The following LGALS2 variants were observed in gnomAD, a reference collection of about 807,000 sequenced individuals.
LGALS2 encodes the protein galectin-2.
A neutral mutation model predicts 10.1 loss-of-function variants in LGALS2; 7 were observed. That is an observed-to-expected ratio of 0.70 (90% CI 0.40 to 1.31). The LOEUF (loss-of-function observed/expected upper bound fraction) is 1.31, where lower values mean the gene tolerates loss of function less well. LGALS2 is among the 50% of genes most tolerant of loss of function. The pLI is 0.01. For missense variants in LGALS2, 167 were observed against 163.6 expected (o/e 1.02, Z -0.11); for synonymous variants, 86 against 64.2 (o/e 1.34, Z -1.63).
At chr22:37,578,396 C>T (rs1409892360) in intron 1 of LGALS2, among the ~76,000 whole-genome samples, 2 of 152,166 alleles carry the variant, frequency 1.3e-5, no homozygotes, top group African/African-American at 4.8e-5. Context: ...TGATCCTCAG[C>T]CTCCCAAGGC....
At chr22:37,577,803 A>C (rs1601462464) in intron 1 of LGALS2, among the ~76,000 whole-genome samples, 1 of 152,328 alleles carries the variant, frequency 6.6e-6, no homozygotes. Flanking sequence ...AAATATAGAC[A>C]CAGAGACGGA....
At position 37,580,070 on chromosome 22, in the gene LGALS2, A is replaced by G. The variant is rs1229391374; in HGVS notation, c.-165T>C. 1.8e-6 allele frequency: 1 copy of G among 563,488 alleles called. No individual in the cohort carries two copies. Among genetic ancestry groups the G allele is most frequent in the Admixed American group, 2.9e-5 (1 of 34,446 alleles). The allele number at this position is 563,488 out of a possible 1,614,324, so 34.9% of individuals were successfully genotyped here. A position where few individuals can be genotyped will look rare whatever the true frequency, so the allele number is the denominator to read the frequency against. On this transcript the variant is annotated 5_prime_UTR_variant, in exon 1 of 4. Transcript: ENST00000215886. ...TTGTGTCTCCCCGCCTGCATCTCCC[A>G]GTACCCAGCACAAACAGGCAGAAGA...
chr22:37,576,994 G>GT (rs986094645), intron 1 of LGALS2, among the ~76,000 whole-genome samples: 11 of 151,856 alleles, frequency 7.2e-5, no homozygotes, highest in Admixed American at 5.9e-4. Flanking sequence ...TAGAGCTGGG[G>GT]GGGTGGGGAG....
chr22:37,570,440 C>T, intron 3 of LGALS2, 28 bp from the exon 4 acceptor site: 2 of 1,608,886 alleles, frequency 1.2e-6, no homozygotes, highest in Non-Finnish European at 1.7e-6. Context: ...GTCAAGGAGG[C>T]AGGAGGCCCT....
rs1283494175 is a variant in LGALS2, at chr22:37,572,768, A to AT, written c.7-838_7-837insA. On this transcript the variant is annotated intron_variant, in intron 1 of 3. Transcript: ENST00000215886. Reference sequence around the variant, plus strand: ...GGCGACAGAGCGAAACTCCATCTCAAAAATAATAATAATAATAATAATAAT... The same window carrying AT: ...GGCGACAGAGCGAAACTCCATCTCAATAAATAATAATAATAATAATAATAAT... Among the ~76,000 whole-genome samples, 10 of 65,944 alleles carry AT rather than the reference A, an allele frequency of 1.5e-4. No individual in the cohort carries two copies. In the East Asian group the frequency reaches 3.0e-3, roughly 20 times the overall value. The allele number at this position is 65,944 out of a possible 152,430, so 43.3% of individuals were successfully genotyped here.
chr22:37,577,088 T>G (rs917738992), intron 1 of LGALS2, among the ~76,000 whole-genome samples: 57 of 152,094 alleles, frequency 3.7e-4, no homozygotes, highest in Non-Finnish European at 5.9e-4. Flanking sequence ...TGGGCCTTGG[T>G]TCCCTTATCT....
chr22:37,576,247 G>T (rs145242163), intron 1 of LGALS2, among the ~76,000 whole-genome samples: 8,227 of 151,888 alleles, frequency 0.054, 465 homozygotes, highest in African/African-American at 0.15. Flanking sequence ...GGTCAGGAGA[G>T]TGAGATCATC....
In LGALS2 at chr22:37,579,891, T is replaced by C. The variant is rs369556160; in HGVS notation, c.6+9A>G. 5.0e-6 allele frequency: 8 copies of C among 1,609,860 alleles called. No individual in the cohort carries two copies. The highest frequency in any genetic ancestry group is 2.2e-5 in the East Asian group (1 of 44,766). ...AGTGGGGCAGGCAGCAGGGGGCTAGTGTCCTCACCGTCATGGTGACAGCTC... is the reference window on the plus strand; with the variant it reads ...AGTGGGGCAGGCAGCAGGGGGCTAGCGTCCTCACCGTCATGGTGACAGCTC... On this transcript the variant is annotated intron_variant, in intron 1 of 3. Coordinates refer to ENST00000215886, the MANE Select transcript of LGALS2 (RefSeq NM_006498.3).
At chr22:37,579,373 T>C (rs1925782634) in intron 1 of LGALS2, among the ~76,000 whole-genome samples, 2 of 151,522 alleles carry the variant, frequency 1.3e-5, no homozygotes, top group Non-Finnish European at 1.5e-5. Context: ...GGAGGTCAAG[T>C]CCGTAGTGAG....
At chr22:37,577,506 C>T in intron 1 of LGALS2, among the ~76,000 whole-genome samples, 1 of 132,026 alleles carries the variant, frequency 7.6e-6, no homozygotes, top group East Asian at 2.1e-4. Context: ...CCCACCACAA[C>T]ATCTGTCTAA....
chr22:37,571,659 CT>C (rs1423864718), intron 2 of LGALS2, among the ~76,000 whole-genome samples, 189 bp downstream of exon 2: 5 of 152,228 alleles, frequency 3.3e-5, no homozygotes, highest in Non-Finnish European at 7.3e-5. Flanking sequence ...CTCTGAAATT[CT>C]GCAGGTCCCC....
chr22:37,574,500 A>T (rs1230750561), intron 1 of LGALS2, among the ~76,000 whole-genome samples: 1 of 25,690 alleles, frequency 3.9e-5, no homozygotes, highest in African/African-American at 1.2e-4. Context: ...GACTCTGTCT[A>T]AAAAAAAAAA....
chr22:37,580,038 T>A lies in LGALS2; in HGVS notation c.-133A>T. On this transcript the variant is annotated 5_prime_UTR_variant, in exon 1 of 4. It adds an upstream start codon to the 5' untranslated region. Coordinates refer to ENST00000215886, the MANE Select transcript of LGALS2 (RefSeq NM_006498.3). ...AGGTCCTAGGTGAGGACTTTGCCCC[T>A]TCTACCTTGTGTCTCCCCGCCTGCA... 4.9e-6 allele frequency: 4 copies of A among 824,392 alleles called. No homozygotes were observed. Among genetic ancestry groups the A allele is most frequent in the Non-Finnish European group, 7.5e-6 (4 of 533,828 alleles). The allele number at this position is 824,392 out of a possible 1,614,324, so 51.1% of individuals were successfully genotyped here.
At chr22:37,576,466 A>G (rs1190442311) in intron 1 of LGALS2, among the ~76,000 whole-genome samples, 6 of 151,914 alleles carry the variant, frequency 3.9e-5, no homozygotes, top group South Asian at 2.1e-4. Context: ...AAAAAAAAAA[A>G]AAAAAAAAAA....
At chr22:37,572,469 T>C (rs1925528704) in intron 1 of LGALS2, among the ~76,000 whole-genome samples, 1 of 150,872 alleles carries the variant, frequency 6.6e-6, no homozygotes, top group Non-Finnish European at 1.5e-5. Context: ...TCGTCTCTAC[T>C]AAAAATAAAA....
At chr22:37,579,800 GC>G in intron 1 of LGALS2, 99 bp downstream of exon 1, 9 of 1,270,934 alleles carry the variant, frequency 7.1e-6, no homozygotes, top group Non-Finnish European at 1.0e-5. Context: ...GGAAACTGAG[GC>G]CCAGAGAGGG....
At chr22:37,572,258 G>A (rs73418196) in intron 1 of LGALS2, among the ~76,000 whole-genome samples, 11,721 of 152,316 alleles carry the variant, frequency 0.077, 1,106 homozygotes, top group African/African-American at 0.23. Flanking sequence ...ATGAAATCAC[G>A]CTGCCCTCAG....
At chr22:37,578,477 G>C (rs1925751699) in intron 1 of LGALS2, among the ~76,000 whole-genome samples, 1 of 152,096 alleles carries the variant, frequency 6.6e-6, no homozygotes, top group Non-Finnish European at 1.5e-5. Flanking sequence ...TAGCAGAAAA[G>C]GTCTCACTAT....
Position 37,577,622 on chromosome 22 carries a change from G to A in LGALS2, c.6+2278C>T, listed in dbSNP as rs562597718. Among the ~76,000 whole-genome samples the A allele has an allele frequency of 9.2e-5, 14 of 151,478 alleles. No individual in the cohort carries two copies. The East Asian group carries it at 2.1e-3, about 23-fold the overall frequency. On this transcript the variant is annotated intron_variant, in intron 1 of 3. Coordinates refer to ENST00000215886, the MANE Select transcript of LGALS2 (RefSeq NM_006498.3). ...TTGAACTCCTGATCTCAAGTGATCCGCCTGCCTCGGCCTCCCAAAGTGCTG... is the reference window on the plus strand; with the variant it reads ...TTGAACTCCTGATCTCAAGTGATCCACCTGCCTCGGCCTCCCAAAGTGCTG...
Sources: gnomAD v4.1 joint callset for allele counts (sites outside exome capture counted in the v4.1 genomes callset) on GRCh38, gnomAD v4.1.1 for gene constraint, MANE v1.5 for transcripts, NCBI Gene and HGNC (gene_info 2026-07-23, HGNC 2026-07-21) for gene names.